Variants in SNX25 observed in about 807,000 individuals in gnomAD.
SNX25 encodes sorting nexin-25.
Under a neutral mutation model 113.7 loss-of-function variants are expected in SNX25, and 62 were observed. That is an observed-to-expected ratio of 0.55 (90% CI 0.44 to 0.67). The LOEUF is 0.67. Ranked by LOEUF, SNX25 falls within the 30% of genes least tolerant of loss-of-function variation. The probability of loss-of-function intolerance (pLI) is 0.00; values close to 1 mark genes in which losing one functional copy is unlikely to be tolerated. For missense variants in SNX25, 1,014 were observed against 1,161.0 expected (o/e 0.87, Z 1.84); for synonymous variants, 421 against 436.2 (o/e 0.97, Z 0.43).
intron 6 of SNX25, among the ~76,000 whole-genome samples, chr4:185,307,893 T>C (rs1053605310): frequency 1.3e-5 from 2 of 152,194 alleles, no homozygotes; most frequent in Non-Finnish European, 2.9e-5. Flanking sequence ...TATCTGGAAC[T>C]ATAGGCATGC....
intron 13 of SNX25, among the ~76,000 whole-genome samples, chr4:185,350,898 A>G (rs530727781): frequency 6.6e-6 from 1 of 152,346 alleles, no homozygotes; most frequent in East Asian, 1.9e-4. Flanking sequence ...TTACATAATT[A>G]TGTAAATGCG....
intron 13 of SNX25, among the ~76,000 whole-genome samples, chr4:185,349,891 G>A (rs2095306781): frequency 6.6e-6 from 1 of 152,222 alleles, no homozygotes; most frequent in South Asian, 2.1e-4. Context: ...TTTGTAAAAT[G>A]TTAGAGAGTA....
intron 8 of SNX25, among the ~76,000 whole-genome samples, chr4:185,321,462 C>T (rs776449804): frequency 1.3e-5 from 2 of 151,966 alleles, no homozygotes; most frequent in Non-Finnish European, 2.9e-5. Flanking sequence ...GGGGTTTTAC[C>T]GTGTTGGCCA....
chr4:185,236,361 T>C (rs946532661), intron 1 of SNX25, among the ~76,000 whole-genome samples: 67 of 130,692 alleles, frequency 5.1e-4, no homozygotes, highest in African/African-American at 1.6e-3. Flanking sequence ...AGTGAGACCC[T>C]GACTGAAGAA....
intron 5 of SNX25, among the ~76,000 whole-genome samples, chr4:185,279,374 C>CT (rs1490666868): frequency 6.6e-6 from 1 of 152,020 alleles, no homozygotes; most frequent in African/African-American, 2.4e-5. Context: ...TCTACATGTG[C>CT]TATGAATAGA....
intron 5 of SNX25, among the ~76,000 whole-genome samples, chr4:185,268,996 AATT>A: frequency 6.6e-6 from 1 of 152,308 alleles, no homozygotes; most frequent in Non-Finnish European, 1.5e-5. Flanking sequence ...TGCCATGCAT[AATT>A]TTGAATAGAC....
chr4:185,345,115 A>T (rs2095279190), intron 12 of SNX25, among the ~76,000 whole-genome samples: 1 of 152,230 alleles, frequency 6.6e-6, no homozygotes. Flanking sequence ...AAACAATTAG[A>T]TGGAAGCATT....
chr4:185,375,637 A>T, the SNX25 span: 1 of 1,610,272 alleles, frequency 6.2e-7, no homozygotes, highest in Non-Finnish European at 8.5e-7. Context: ...TCCCCAGCCC[A>T]TCATAGTACA....
intron 1 of SNX25, among the ~76,000 whole-genome samples, chr4:185,212,564 A>G (rs1256388605): frequency 7.2e-6 from 1 of 139,182 alleles, no homozygotes; most frequent in African/African-American, 2.7e-5. Flanking sequence ...AAGTTTTTGT[A>G]GAGACAGGGT....
chr4:185,214,233 AG>A (rs1738405319), intron 1 of SNX25, among the ~76,000 whole-genome samples: 1 of 152,016 alleles, frequency 6.6e-6, no homozygotes. Context: ...GTTGCCAATG[AG>A]GATTGGAGGG....
At chr4:185,281,256 C>T (rs1169546850) in intron 5 of SNX25, among the ~76,000 whole-genome samples, 1 of 151,902 alleles carries the variant, frequency 6.6e-6, no homozygotes, top group East Asian at 1.9e-4. Flanking sequence ...CGTACCATTT[C>T]CCTAGATAGT....
In SNX25 at chr4:185,278,392, A is replaced by G. The variant is rs114412045; in HGVS notation, c.1092-9620A>G. 3.9e-3 allele frequency among the ~76,000 whole-genome samples: 589 copies of G among 152,360 alleles called. 2 individuals are homozygous for G. Among genetic ancestry groups the G allele is most frequent in the African/African-American group, 0.013 (540 of 41,586 alleles). On this transcript the variant is annotated intron_variant, in intron 5 of 18. Transcript: ENST00000652585. ...TTGCTTTGCTTTTTGAAGCTGCATG[A>G]CCTTGGGAAAGTCATTTAAACTTCG...
chr4:185,327,727 C>T (rs1267670526), intron 9 of SNX25, among the ~76,000 whole-genome samples: 1 of 152,120 alleles, frequency 6.6e-6, no homozygotes, highest in African/African-American at 2.4e-5. Flanking sequence ...CTGCCTAAGG[C>T]CACCAGATTA....
chr4:185,226,662 G>T lies in SNX25; in HGVS notation c.429+16407G>T, dbSNP rs553909344. On this transcript the variant is annotated intron_variant, in intron 1 of 18. Transcript: ENST00000652585. ...GACAAGGTCTCACTATGTTGCCCGGGCTGGTCTTGAACTCCTGGGCTCAAG... is the reference window on the plus strand; with the variant it reads ...GACAAGGTCTCACTATGTTGCCCGGTCTGGTCTTGAACTCCTGGGCTCAAG... Among the ~76,000 whole-genome samples the T allele has an allele frequency of 8.7e-4, 132 of 152,210 alleles. 1 individual carries two copies. The highest frequency in any genetic ancestry group is 3.1e-3 in the African/African-American group (127 of 41,540).
intron 2 of SNX25, among the ~76,000 whole-genome samples, chr4:185,254,048 A>G (rs1746043962): frequency 6.6e-6 from 1 of 152,182 alleles, no homozygotes; most frequent in Admixed American, 6.5e-5. Flanking sequence ...GGCCCACCGT[A>G]TGGCTGTTCC....
Position 185,209,975 on chromosome 4 carries a change from G to A in SNX25, c.149G>A (p.Gly50Glu), listed in dbSNP as rs956366824. 12 of 983,532 alleles carry A rather than the reference G, an allele frequency of 1.2e-5. No individual in the cohort carries two copies. Among genetic ancestry groups the A allele is most frequent in the African/African-American group, 1.8e-5 (1 of 56,970 alleles). 60.9% of individuals were successfully genotyped at this position (983,532 alleles called of 1,614,324 possible). ...GAGGCAGCAGCAGCGGCGGCGCCGG[G>A]GGCCCCGGGCGGCCGGAGCTGGTGG... is the stretch of plus-strand genomic sequence containing the variant. ...DAEAAAAAAP[G>E]APGGRSWWKP... Residue 50 changes from glycine to glutamate, a missense_variant, in exon 1 of 19, where the codon GGG (glycine) becomes GAG (glutamate). Gly to Glu is a moderately conservative substitution (Grantham distance 98, BLOSUM62 -2). Coordinates refer to ENST00000652585, the MANE Select transcript of SNX25 (RefSeq NM_001378034.2). The surrounding 1 kb of genome is among the most constrained non-coding windows in gnomAD (Gnocchi z 5.2).
intron 1 of SNX25, among the ~76,000 whole-genome samples, chr4:185,214,786 G>A (rs1263919240): frequency 6.6e-6 from 1 of 152,198 alleles, no homozygotes; most frequent in East Asian, 1.9e-4. Context: ...CTAGTTAGTT[G>A]CTGAGTGCTA....
chr4:185,291,031 T>A (rs1372518728), intron 6 of SNX25, among the ~76,000 whole-genome samples: 1 of 152,240 alleles, frequency 6.6e-6, no homozygotes, highest in Non-Finnish European at 1.5e-5. Context: ...TATGGCTACC[T>A]GGCGTTAGTC....
In SNX25 at chr4:185,247,315, C is replaced by A. The variant is rs1745002837; in HGVS notation, c.451C>A (p.His151Asn). Residue 151 changes from histidine to asparagine, a missense_variant, in exon 2 of 19, where the codon CAT becomes AAT. Physicochemically the swap from His to Asn is moderately conservative, Grantham distance 68. Coordinates refer to ENST00000652585, the MANE Select transcript of SNX25 (RefSeq NM_001378034.2). ...TCAGAGTCCTGTGTATGGAAACTCA[C>A]ATGAGTCAGCTCAGTCTAGAAGGGT... ...PPGSPVYGNS[H>N]ESAQSRRVVI... 6 of 1,604,724 alleles carry A rather than the reference C, an allele frequency of 3.7e-6. No homozygotes were observed. Among genetic ancestry groups the A allele is most frequent in the African/African-American group, 1.3e-5 (1 of 74,242 alleles).
Sources: allele counts gnomAD v4.1 joint callset (sites outside exome capture counted in the v4.1 genomes callset), GRCh38; gene constraint gnomAD v4.1.1; non-coding constraint Gnocchi (gnomAD v3.1); transcripts MANE v1.5; gene names NCBI Gene and HGNC (gene_info 2026-07-23, HGNC 2026-07-21).